Variants in DAPK1 observed in about 807,000 individuals in gnomAD.
DAPK1 encodes death associated protein kinase 1, also known as death-associated protein kinase 1.
In DAPK1, 56 loss-of-function variants were observed where a neutral mutation model predicts 144.9. The observed-to-expected ratio is 0.39, with a 90% CI of 0.31 to 0.48. The LOEUF (loss-of-function observed/expected upper bound fraction) is 0.48. DAPK1 is among the 20% of genes least tolerant of loss of function. DAPK1 has a pLI of 0.95. For missense variants in DAPK1, 1,454 were observed against 1,875.4 expected (o/e 0.78, Z 4.15); for synonymous variants, 690 against 749.0 (o/e 0.92, Z 1.29).
intron 2 of DAPK1, among the ~76,000 whole-genome samples, chr9:87,603,763 G>T (rs3095747): frequency 0.62 from 94,005 of 151,910 alleles, 29,414 homozygotes; most frequent in Middle Eastern, 0.67. Flanking sequence ...CCAGCATGGG[G>T]CCGGGAGGGT....
chr9:87,680,861 GAC>G (rs1484062608), intron 19 of DAPK1, among the ~76,000 whole-genome samples: 1 of 152,216 alleles, frequency 6.6e-6, no homozygotes, highest in East Asian at 1.9e-4. Context: ...TCTGGAAGGA[GAC>G]AGCAGTGATG....
chr9:87,622,755 C>T (rs1210922041), intron 3 of DAPK1, among the ~76,000 whole-genome samples: 1 of 151,840 alleles, frequency 6.6e-6, no homozygotes, highest in Admixed American at 6.6e-5. Context: ...CACTAAAATA[C>T]AAAAAATCAG....
rs117011818 is a variant in DAPK1, at chr9:87,610,748, C to T, written c.284+5573C>T. 2.5e-3 allele frequency among the ~76,000 whole-genome samples: 384 copies of T among 152,286 alleles called. 10 individuals carry two copies. The East Asian group carries it at 0.062, about 25-fold the overall frequency. ...CCACTGGAGCCCTGAGGCCCCACCCCGAAGGGACAGCCACCAATCAGTTGA... is the reference window on the plus strand; with the variant it reads ...CCACTGGAGCCCTGAGGCCCCACCCTGAAGGGACAGCCACCAATCAGTTGA... On this transcript the variant is annotated intron_variant, in intron 3 of 25. Coordinates refer to ENST00000408954, the MANE Select transcript of DAPK1 (RefSeq NM_004938.4).
chr9:87,525,259 A>G lies in DAPK1; in HGVS notation c.62+26120A>G, dbSNP rs1022221135. The G allele has an allele frequency of 1.1e-4, 167 of 1,457,124 alleles. No individual in the cohort carries two copies. In the Admixed American group the frequency reaches 2.6e-3, roughly 23 times the overall value. 90.3% of individuals were successfully genotyped at this position (1,457,124 alleles called of 1,614,324 possible). On this transcript the variant is annotated intron_variant, in intron 2 of 25. Coordinates refer to ENST00000408954, the MANE Select transcript of DAPK1 (RefSeq NM_004938.4). ...AGTGCTTACCTAAAAAATGCGTTGA[A>G]TAGAGCTTCTTGCTTTTACCTCGTT...
At chr9:87,692,364 C>A (rs1255950740) in intron 21 of DAPK1, among the ~76,000 whole-genome samples, 1 of 151,334 alleles carries the variant, frequency 6.6e-6, no homozygotes, top group Non-Finnish European at 1.5e-5. Flanking sequence ...CTATATGTAT[C>A]TTTATAGATA....
At chr9:87,654,377 G>GTTTGTATATACA (rs1830561698) in intron 17 of DAPK1, among the ~76,000 whole-genome samples, 1 of 152,202 alleles carries the variant, frequency 6.6e-6, no homozygotes, top group Non-Finnish European at 1.5e-5. Flanking sequence ...ATGCCAGTAG[G>GTTTGTATATACA]ATTCTAGTAT....
At chr9:87,610,011 C>T (rs930879246) in intron 3 of DAPK1, among the ~76,000 whole-genome samples, 1 of 152,214 alleles carries the variant, frequency 6.6e-6, no homozygotes, top group Non-Finnish European at 1.5e-5. Flanking sequence ...TCATGAACCA[C>T]TGCCACTGAC....
rs1009983196 is a variant in DAPK1 at position 87,498,117 on chromosome 9, C to T, written c.-109+10C>T. The T allele has an allele frequency of 5.0e-6, 2 of 397,494 alleles. No homozygotes were observed. The highest frequency in any genetic ancestry group is 4.4e-5 in the Admixed American group (1 of 22,724). The allele number at this position is 397,494 out of a possible 1,614,324, so 24.6% of individuals were successfully genotyped here. ...GCTCCCAGGCGCCCGGGTGAGTAGCCAGGCGCGGCTCCCCGGTCCCCCCGA... is the reference window on the plus strand; with the variant it reads ...GCTCCCAGGCGCCCGGGTGAGTAGCTAGGCGCGGCTCCCCGGTCCCCCCGA... On this transcript the variant is annotated intron_variant, in intron 1 of 25. Transcript: ENST00000408954.
intron 2 of DAPK1, among the ~76,000 whole-genome samples, chr9:87,510,892 G>A (rs1046435250): frequency 6.6e-6 from 1 of 152,212 alleles, no homozygotes; most frequent in Non-Finnish European, 1.5e-5. Flanking sequence ...TTGTGAGGAT[G>A]TCTGTGATAT....
intron 3 of DAPK1, chr9:87,632,319 A>G (rs1281799656): frequency 9.2e-6 from 9 of 983,056 alleles, no homozygotes; most frequent in Non-Finnish European, 1.1e-5. Context: ...GAAGATGAGT[A>G]TACATGTAGG....
chr9:87,637,769 G>C (rs904108840), intron 3 of DAPK1, among the ~76,000 whole-genome samples, 174 bp from the exon 4 acceptor site: 1 of 152,200 alleles, frequency 6.6e-6, no homozygotes, highest in African/African-American at 2.4e-5. Context: ...AAATGTGTCT[G>C]AATGCAGAAT....
At chr9:87,497,660 T>C (rs1277666092), upstream of DAPK1, 1 of 173,984 alleles carries the variant, frequency 5.7e-6, no homozygotes, top group African/African-American at 2.4e-5. Context: ...GGCGAGTGGG[T>C]GTGTGCGGGG....
chr9:87,662,078 G>A (rs539837500), intron 18 of DAPK1, among the ~76,000 whole-genome samples: 7 of 152,156 alleles, frequency 4.6e-5, no homozygotes, highest in African/African-American at 4.8e-5. Flanking sequence ...ATTGAAAAGG[G>A]TGTCCTTTTT....
chr9:87,523,443 C>T (rs1006934109), intron 2 of DAPK1, among the ~76,000 whole-genome samples: 4 of 151,938 alleles, frequency 2.6e-5, no homozygotes, highest in South Asian at 2.1e-4. Context: ...ACCATAGACA[C>T]GAGCCACAAC....
At chr9:87,683,482 G>A (rs1337788617) in intron 20 of DAPK1, among the ~76,000 whole-genome samples, 1 of 152,152 alleles carries the variant, frequency 6.6e-6, no homozygotes, top group Admixed American at 6.5e-5. Context: ...ACTGCAGCCT[G>A]AACCTCTGTG....
At chr9:87,590,615 T>C (rs1828097801) in intron 2 of DAPK1, among the ~76,000 whole-genome samples, 1 of 152,092 alleles carries the variant, frequency 6.6e-6, no homozygotes. Flanking sequence ...TTGAGACAGG[T>C]CTCACTCTGT....
intron 19 of DAPK1, among the ~76,000 whole-genome samples, chr9:87,672,438 C>CG (rs1029360737): frequency 2.6e-5 from 4 of 152,096 alleles, no homozygotes; most frequent in African/African-American, 9.7e-5. Flanking sequence ...TCAATGGGCT[C>CG]GGGGGGCTCC....
chr9:87,606,498 C>T, intron 3 of DAPK1, among the ~76,000 whole-genome samples: 1 of 134,746 alleles, frequency 7.4e-6, no homozygotes. Context: ...TCTGTCTCTC[C>T]CTCCCTCCCT....
At chr9:87,606,153 G>A (rs1053820393) in intron 3 of DAPK1, among the ~76,000 whole-genome samples, 2 of 152,164 alleles carry the variant, frequency 1.3e-5, no homozygotes, top group African/African-American at 4.8e-5. Flanking sequence ...ATACCTTAGG[G>A]GTAAGAAGAG....
Sources: allele counts gnomAD v4.1 joint callset (sites outside exome capture counted in the v4.1 genomes callset), GRCh38; gene constraint gnomAD v4.1.1; transcripts MANE v1.5; gene names NCBI Gene and HGNC (gene_info 2026-07-23, HGNC 2026-07-21).